The following TTC9C variants were observed in gnomAD, a reference collection of about 807,000 sequenced individuals.
TTC9C encodes tetratricopeptide repeat domain 9C, also known as tetratricopeptide repeat protein 9C.
A neutral mutation model predicts 22.5 loss-of-function variants in TTC9C; 15 were observed. That is an observed-to-expected ratio of 0.67 (90% CI 0.45 to 1.03). TTC9C has a LOEUF of 1.03. TTC9C is among the 50% of genes least tolerant of loss of function. The pLI, the probability that TTC9C is intolerant of heterozygous loss-of-function variation, is 0.00. For missense variants in TTC9C, 244 were observed against 214.6 expected (o/e 1.14, Z -0.86); for synonymous variants, 92 against 86.8 (o/e 1.06, Z -0.33).
intron 2 of TTC9C, among the ~76,000 whole-genome samples, chr11:62,737,651 A>G (rs1269524703): frequency 6.6e-6 from 1 of 152,216 alleles, no homozygotes; most frequent in Non-Finnish European, 1.5e-5. Flanking sequence ...CATCCAATAC[A>G]TAAATTAACT....
intron 2 of TTC9C, among the ~76,000 whole-genome samples, chr11:62,737,815 G>A (rs888896694): frequency 6.6e-6 from 1 of 152,024 alleles, no homozygotes; most frequent in Admixed American, 6.6e-5. Context: ...GGTGGATCAC[G>A]AGGTCAGGAG....
chr11:62,733,257 A>G lies in TTC9C; in HGVS notation c.239-2125A>G, dbSNP rs1040280315. 6.7e-6 allele frequency: 6 copies of G among 895,428 alleles called. No individual in the cohort carries two copies. In the African/African-American group the frequency reaches 7.2e-5, roughly 11 times the overall value. 55.5% of individuals were successfully genotyped at this position (895,428 alleles called of 1,614,324 possible). ...AGAGAATAGTGAAGTTATATGCTGT[A>G]TTGTTACTGAGAATGATGATTTTGG... is the stretch of plus-strand genomic sequence containing the variant. On this transcript the variant is annotated intron_variant, in intron 1 of 2. Coordinates refer to ENST00000316461, the MANE Select transcript of TTC9C (RefSeq NM_173810.4).
intron 1 of TTC9C, among the ~76,000 whole-genome samples, chr11:62,734,426 C>A (rs1412924602): frequency 6.6e-6 from 1 of 151,636 alleles, no homozygotes; most frequent in Non-Finnish European, 1.5e-5. Flanking sequence ...ATGGTGAAAC[C>A]CCATCTCTAC....
At chr11:62,732,216 C>T (rs377369320) in intron 1 of TTC9C, among the ~76,000 whole-genome samples, 3 of 151,764 alleles carry the variant, frequency 2.0e-5, no homozygotes, top group African/African-American at 4.8e-5. Flanking sequence ...AGGATGGTCT[C>T]GATCTCCTGA....
intron 1 of TTC9C, among the ~76,000 whole-genome samples, chr11:62,730,122 C>A (rs2083830355): frequency 6.6e-6 from 1 of 152,082 alleles, no homozygotes; most frequent in Non-Finnish European, 1.5e-5. Flanking sequence ...GTTGCCCAAG[C>A]TGGGGTGCAA....
At position 62,729,025 on chromosome 11, in the gene TTC9C, C is replaced by CA. The variant is rs1408640585; in HGVS notation, c.178dup (p.Thr60AsnfsTer3). 1 of 1,614,050 alleles carries CA rather than the reference C, an allele frequency of 6.2e-7. No homozygotes were observed. Among genetic ancestry groups the CA allele is most frequent in the Non-Finnish European group, 8.5e-7 (1 of 1,180,046 alleles). ...ATCTCGGACCTCAGGGCCCGGCCCTCACGCCTGAACAAGAAAACATATTGC... is the reference window on the plus strand; with the variant it reads ...ATCTCGGACCTCAGGGCCCGGCCCTCAACGCCTGAACAAGAAAACATATTGC... On this transcript the variant is annotated frameshift_variant, in exon 1 of 3. Coordinates refer to ENST00000316461, the MANE Select transcript of TTC9C (RefSeq NM_173810.4). LOFTEE classifies it high-confidence loss of function.
chr11:62,728,374 A>T, upstream of TTC9C: 1 of 369,950 alleles, frequency 2.7e-6, no homozygotes, highest in Non-Finnish European at 5.3e-6. Flanking sequence ...ATGTTGAATA[A>T]GGAAGAAGAG....
rs561397040 is a variant in TTC9C at position 62,728,645 on chromosome 11, C to A, written c.-204C>A. 2.2e-5 allele frequency: 15 copies of A among 690,738 alleles called. No individual in the cohort carries two copies. The African/African-American group carries it at 2.6e-4, about 12-fold the overall frequency. 42.8% of individuals were successfully genotyped at this position (690,738 alleles called of 1,614,324 possible). On this transcript the variant is annotated 5_prime_UTR_variant, in exon 1 of 3. Transcript: ENST00000316461. ...CTTTCCTTACTACTTGCCTGCACTTCTTGAGAAAAAGACTGCAGAAAGGAG... is the reference window on the plus strand; with the variant it reads ...CTTTCCTTACTACTTGCCTGCACTTATTGAGAAAAAGACTGCAGAAAGGAG...
intron 1 of TTC9C, 118 bp downstream of exon 1, chr11:62,729,204 C>T: frequency 2.3e-6 from 2 of 868,972 alleles, no homozygotes; most frequent in Non-Finnish European, 3.5e-6. Flanking sequence ...ATTTATTCTG[C>T]CATGAATTGG....
At chr11:62,729,119 A>C in intron 1 of TTC9C, 33 bp downstream of exon 1, 1 of 1,584,210 alleles carries the variant, frequency 6.3e-7, no homozygotes, top group Non-Finnish European at 8.7e-7. Flanking sequence ...GCTAGAGAGC[A>C]TTAAGACAGG....
Position 62,738,276 on chromosome 11 carries a change from T to A in TTC9C, c.422-12T>A, listed in dbSNP as rs756368807. On this transcript the variant is annotated splice_polypyrimidine_tract_variant and intron_variant, in intron 2 of 2. Coordinates refer to ENST00000316461, the MANE Select transcript of TTC9C (RefSeq NM_173810.4). ...CTAACTGTTTCTAATTGCTTCTCCA[T>A]CATCTTCCAAGATGCCAACGTCCGG... 11 of 1,585,326 alleles carry A rather than the reference T, an allele frequency of 6.9e-6. No individual in the cohort carries two copies. Among genetic ancestry groups the A allele is most frequent in the Non-Finnish European group, 1.7e-6 (2 of 1,156,430 alleles).
chr11:62,730,398 C>T (rs1036972077), intron 1 of TTC9C, among the ~76,000 whole-genome samples: 1 of 151,430 alleles, frequency 6.6e-6, no homozygotes, highest in Non-Finnish European at 1.5e-5. Context: ...TTATTGAGTG[C>T]CTATAACATG....
At chr11:62,736,207 G>C (rs1302930033) in intron 2 of TTC9C, 1 of 118,576 alleles carries the variant, frequency 8.4e-6, no homozygotes, top group East Asian at 2.9e-4. Context: ...CAACAAGAAC[G>C]AGATTCTGTC....
chr11:62,729,675 A>T (rs566780756), intron 1 of TTC9C, among the ~76,000 whole-genome samples: 1 of 149,790 alleles, frequency 6.7e-6, no homozygotes, highest in Non-Finnish European at 1.5e-5. Context: ...TCCCGAGTTC[A>T]AGCGATTCTC....
Position 62,728,636 on chromosome 11 carries a change from C to A in TTC9C, c.-213C>A. 1.5e-6 allele frequency: 1 copy of A among 682,454 alleles called. No individual in the cohort carries two copies. Among genetic ancestry groups the A allele is most frequent in the Non-Finnish European group, 2.7e-6 (1 of 372,490 alleles). 42.3% of individuals were successfully genotyped at this position (682,454 alleles called of 1,614,324 possible). A position where few individuals can be genotyped will look rare whatever the true frequency, so the allele number is the denominator to read the frequency against. On this transcript the variant is annotated 5_prime_UTR_variant, in exon 1 of 3. Coordinates refer to ENST00000316461, the MANE Select transcript of TTC9C (RefSeq NM_173810.4). The stretch of plus-strand genomic sequence containing the variant: ...CCCACATCCCTTTCCTTACTACTTG[C>A]CTGCACTTCTTGAGAAAAAGACTGC...
chr11:62,732,768 A>T (rs951543658), intron 1 of TTC9C, among the ~76,000 whole-genome samples: 4 of 152,090 alleles, frequency 2.6e-5, no homozygotes, highest in African/African-American at 9.7e-5. Flanking sequence ...AAAATATTTT[A>T]AAAATTAGCT....
At chr11:62,730,183 C>A (rs1215476376) in intron 1 of TTC9C, among the ~76,000 whole-genome samples, 1 of 152,018 alleles carries the variant, frequency 6.6e-6, no homozygotes, top group Admixed American at 6.6e-5. Flanking sequence ...TCAGGCGATT[C>A]TCCTGCCTGA....
chr11:62,735,945 T>C (rs1406459584), intron 2 of TTC9C: 2 of 152,318 alleles, frequency 1.3e-5, no homozygotes, highest in East Asian at 3.9e-4. Flanking sequence ...AATATATATA[T>C]AAAATAGGCA....
At chr11:62,738,248 ACT>A (rs761189877) in intron 2 of TTC9C, 38 bp from the exon 3 acceptor site, 80 of 1,312,058 alleles carry the variant, frequency 6.1e-5, no homozygotes, top group Admixed American at 1.0e-4. Context: ...GTCTTAACTG[ACT>A]CTAACTGTTT....
Sources: gnomAD v4.1 joint callset for allele counts (sites outside exome capture counted in the v4.1 genomes callset) on GRCh38, gnomAD v4.1.1 for gene constraint, MANE v1.5 for transcripts, NCBI Gene and HGNC (gene_info 2026-07-23, HGNC 2026-07-21) for gene names.